ELMO1: variants seen among roughly 807,000 people sequenced by gnomAD.
ELMO1 encodes the protein engulfment and cell motility 1, also known as engulfment and cell motility protein 1.
A neutral mutation model predicts 98.9 loss-of-function variants in ELMO1; 26 were observed. The ratio of observed to expected loss-of-function variants is 0.26; its 90% CI spans 0.19 to 0.36. The LOEUF (loss-of-function observed/expected upper bound fraction) is 0.36. ELMO1 is among the 10% of genes least tolerant of loss of function. The probability of loss-of-function intolerance (pLI) is 1.00; values close to 1 mark genes in which losing one functional copy is unlikely to be tolerated. For synonymous variants in ELMO1, 346 were observed against 346.0 expected (o/e 1.00, Z 0.00); for missense variants, 627 against 935.2 (o/e 0.67, Z 4.30).
At chr7:37,155,540 C>T (rs1166075005) in intron 13 of ELMO1, among the ~76,000 whole-genome samples, 2 of 130,392 alleles carry the variant, frequency 1.5e-5, no homozygotes, top group Non-Finnish European at 3.2e-5. Flanking sequence ...TCTGATAAAA[C>T]AGACTTTAAA....
chr7:37,302,153 CT>C (rs1418864164), intron 4 of ELMO1, among the ~76,000 whole-genome samples: 1 of 152,132 alleles, frequency 6.6e-6, no homozygotes, highest in East Asian at 1.9e-4. Context: ...CTCCATTCCC[CT>C]TTTTTTAAAG....
intron 16 of ELMO1, among the ~76,000 whole-genome samples, chr7:36,984,463 T>G (rs1035826767): frequency 6.6e-6 from 1 of 152,202 alleles, no homozygotes; most frequent in African/African-American, 2.4e-5. Flanking sequence ...AGACACCCAG[T>G]CGCCCTCACC....
intron 19 of ELMO1, among the ~76,000 whole-genome samples, chr7:36,871,410 G>T (rs1278236001): frequency 6.6e-6 from 1 of 152,130 alleles, no homozygotes; most frequent in Non-Finnish European, 1.5e-5. Flanking sequence ...AAAACAAAAA[G>T]ATCAACTGAA....
chr7:37,047,112 G>A (rs955062316), intron 15 of ELMO1, among the ~76,000 whole-genome samples: 1 of 152,196 alleles, frequency 6.6e-6, no homozygotes, highest in Non-Finnish European at 1.5e-5. Flanking sequence ...AAGAGAAAGA[G>A]CTGAACCAAA....
At chr7:37,422,405 C>A (rs73120741) in intron 1 of ELMO1, among the ~76,000 whole-genome samples, 5,306 of 152,176 alleles carry the variant, frequency 0.035, 138 homozygotes, top group Middle Eastern at 0.071. Context: ...TTTTTTCCCC[C>A]AAAAAATCTG....
intron 2 of ELMO1, among the ~76,000 whole-genome samples, chr7:37,325,319 G>A (rs993978201): frequency 6.6e-5 from 10 of 152,232 alleles, no homozygotes; most frequent in African/African-American, 2.4e-4. Context: ...CCCCTCCCAG[G>A]CGCGTGGCTG....
chr7:37,073,572 A>G (rs576462986), intron 15 of ELMO1, among the ~76,000 whole-genome samples: 4 of 146,418 alleles, frequency 2.7e-5, no homozygotes, highest in African/African-American at 5.0e-5. Flanking sequence ...TTGTTTTTGT[A>G]TGTGTGTGTG....
At chr7:36,871,915 T>C (rs1457721621) in intron 19 of ELMO1, among the ~76,000 whole-genome samples, 1 of 152,206 alleles carries the variant, frequency 6.6e-6, no homozygotes, top group Non-Finnish European at 1.5e-5. Context: ...TAGGCCTCTC[T>C]GTAACCCTAA....
At chr7:37,411,631 C>T (rs770264962) in intron 1 of ELMO1, among the ~76,000 whole-genome samples, 21 of 152,014 alleles carry the variant, frequency 1.4e-4, no homozygotes, top group Non-Finnish European at 1.3e-4. Context: ...TGTGTGTGTG[C>T]GGGGCCAAGG....
intron 16 of ELMO1, among the ~76,000 whole-genome samples, chr7:36,925,393 C>A (rs764952655): frequency 6.6e-6 from 1 of 152,156 alleles, no homozygotes; most frequent in Non-Finnish European, 1.5e-5. Flanking sequence ...CTCCCTGTGC[C>A]GTGTCTGGCC....
At chr7:37,188,486 G>GT (rs1431572608) in intron 13 of ELMO1, among the ~76,000 whole-genome samples, 961 of 42,812 alleles carry the variant, frequency 0.022, 24 homozygotes, top group Admixed American at 0.093. Context: ...CTGGAGAAAG[G>GT]TAAAAAAAAA....
At chr7:36,924,878 T>C (rs1287270387) in intron 16 of ELMO1, among the ~76,000 whole-genome samples, 4 of 152,216 alleles carry the variant, frequency 2.6e-5, no homozygotes, top group Admixed American at 2.6e-4. Context: ...TTGTGTTTTC[T>C]GCCCTCACTT....
rs547642662 is a variant in ELMO1 at position 37,186,589 on chromosome 7, C to G, written c.1086+24797G>C. On this transcript the variant is annotated intron_variant, in intron 13 of 21. Coordinates refer to ENST00000310758, the MANE Select transcript of ELMO1 (RefSeq NM_014800.11). ...GATAAGGACTTGTATCTAGAACATA[C>G]AGAACTATTACAACTCAATGATTAA... 4.3e-4 allele frequency among the ~76,000 whole-genome samples: 66 copies of G among 152,234 alleles called. 1 individual carries two copies. Among genetic ancestry groups the G allele is most frequent in the African/African-American group, 1.5e-3 (63 of 41,560 alleles).
intron 13 of ELMO1, among the ~76,000 whole-genome samples, chr7:37,160,121 T>C (rs1057474038): frequency 1.3e-5 from 2 of 152,176 alleles, no homozygotes; most frequent in African/African-American, 2.4e-5. Flanking sequence ...TTGCCAAAAA[T>C]GCAAATGCGT....
chr7:37,347,694 T>G (rs181984311), intron 1 of ELMO1, among the ~76,000 whole-genome samples: 2 of 152,224 alleles, frequency 1.3e-5, no homozygotes, highest in East Asian at 3.9e-4. Flanking sequence ...TAAACCCTTT[T>G]TTTCCTTTAT....
At chr7:37,433,547 C>T (rs1353233474) in intron 1 of ELMO1, among the ~76,000 whole-genome samples, 2 of 152,116 alleles carry the variant, frequency 1.3e-5, no homozygotes, top group African/African-American at 4.8e-5. Flanking sequence ...CATGACTTCT[C>T]TTTTGCTTGG....
At chr7:36,931,794 G>C (rs894061244) in intron 16 of ELMO1, among the ~76,000 whole-genome samples, 1 of 152,214 alleles carries the variant, frequency 6.6e-6, no homozygotes, top group Non-Finnish European at 1.5e-5. Flanking sequence ...TTGGGCACAC[G>C]TGGAGGGAGA....
intron 1 of ELMO1, among the ~76,000 whole-genome samples, chr7:37,360,067 C>T (rs1034549684): frequency 6.6e-6 from 1 of 152,182 alleles, no homozygotes; most frequent in Non-Finnish European, 1.5e-5. Flanking sequence ...AAACGGGGAT[C>T]TTTTCATGAC....
At chr7:37,000,360 A>T (rs558496355) in intron 16 of ELMO1, among the ~76,000 whole-genome samples, 5 of 152,340 alleles carry the variant, frequency 3.3e-5, no homozygotes, top group Non-Finnish European at 7.3e-5. Flanking sequence ...GCAAAAAGCC[A>T]TATGCCATAC....
Sources: gnomAD v4.1 joint callset for allele counts (sites outside exome capture counted in the v4.1 genomes callset) on GRCh38, gnomAD v4.1.1 for gene constraint, MANE v1.5 for transcripts, NCBI Gene and HGNC (gene_info 2026-07-23, HGNC 2026-07-21) for gene names.